ZNF208: variants seen among roughly 807,000 people sequenced by gnomAD.
The protein encoded by ZNF208 is zinc finger protein 95.
A neutral mutation model predicts 12.1 loss-of-function variants in ZNF208; 10 were observed. The observed-to-expected ratio is 0.83, with a 90% confidence interval of 0.51 to 1.40. The LOEUF is 1.40. Among genes scored for constraint, ZNF208 ranks in the 40% most tolerant of loss-of-function variants. The pLI, the probability that ZNF208 is intolerant of heterozygous loss-of-function variation, is 0.00. For synonymous variants in ZNF208, 497 were observed against 488.4 expected (o/e 1.02, Z -0.23); for missense variants, 1,652 against 1,485.0 (o/e 1.11, Z -1.85).
rs1220191119 is a variant in ZNF208 at position 21,970,431 on chromosome 19, G to T, written c.*760C>A. Among the ~76,000 whole-genome samples, 1 of 152,082 alleles carries T rather than the reference G, an allele frequency of 6.6e-6. No homozygotes were observed. Among genetic ancestry groups the T allele is most frequent in the Non-Finnish European group, 1.5e-5 (1 of 67,984 alleles). ...GCTAAAAGGCTTGCCACATTCTTCA[G>T]ATTTGTAGGGTTTCCCTCCTGTACA... On this transcript the variant is annotated 3_prime_UTR_variant, in exon 4 of 4. Transcript: ENST00000397126.
Position 21,972,787 on chromosome 19 carries a change from G to T in ZNF208, c.2247C>A (p.Tyr749Ter), listed in dbSNP as rs759130176. 6.2e-7 allele frequency: 1 copy of T among 1,611,902 alleles called. No individual in the cohort carries two copies. The highest frequency in any genetic ancestry group is 1.3e-5 in the African/African-American group (1 of 74,978). The change falls in exon 4 of 4, where the codon TAC becomes TAA. Residue 749 changes from tyrosine to a stop codon, truncating the protein, a stop_gained. Coordinates refer to ENST00000397126, the MANE Select transcript of ZNF208 (RefSeq NM_007153.3). LOFTEE classifies it low-confidence loss of function (END_TRUNC). ...AGGCTTTGCCACATTCTTCACATTT[G>T]TAGGGTTTCTCTCCAGTATGAATTA... ...HKVIHTGEKP[Y>*]KCEECGKAYK... is the part of the protein sequence containing the mutation.
rs1970325197 is a variant in ZNF208, at chr19:21,972,733, A to G, written c.2301T>C (p.His767=). The G allele has an allele frequency of 6.3e-7, 1 of 1,588,700 alleles. No homozygotes were observed. The highest frequency in any genetic ancestry group is 2.3e-5 in the East Asian group (1 of 43,190). ...GTTTCTCTACAGTATGAATTTTCTT[A>G]TGATAACTAAGGGTTGAGGACCACT... The part of the protein sequence containing the change: ...AYKWSSTLSY[H]KKIHTVEKPY... The change falls in exon 4 of 4, where the codon CAT becomes CAC. Residue 767 remains histidine (H), a synonymous_variant. Transcript: ENST00000397126.
rs1344044009 is a variant in ZNF208 at position 21,967,796 on chromosome 19, T to C, written c.*3395A>G. On this transcript the variant is annotated 3_prime_UTR_variant, in exon 4 of 4. Coordinates refer to ENST00000397126, the MANE Select transcript of ZNF208 (RefSeq NM_007153.3). The stretch of plus-strand genomic sequence containing the variant: ...CTAATTCAATAAAAATCGTCATGGA[T>C]AGTCTGATAAAAATAGCACTTAATC... 6.6e-6 allele frequency: 1 copy of C among 152,166 alleles called. No homozygotes were observed. The highest frequency in any genetic ancestry group is 1.5e-5 in the Non-Finnish European group (1 of 68,030). The allele number at this position is 152,166 out of a possible 1,614,324, so 9.4% of individuals were successfully genotyped here.
chr19:21,987,383 T>C (rs781016843), intron 2 of ZNF208, 72 bp from the exon 3 acceptor site: 66 of 1,408,914 alleles, frequency 4.7e-5, no homozygotes, highest in Non-Finnish European at 6.1e-5. Flanking sequence ...ATGTGCTCAG[T>C]AAAGAGGATG....
intron 1 of ZNF208, among the ~76,000 whole-genome samples, chr19:21,996,693 G>A (rs185856172): frequency 1.2e-3 from 183 of 152,324 alleles, no homozygotes; most frequent in African/African-American, 3.9e-3. Flanking sequence ...GAGGGAGGGA[G>A]AAGTGGATTC....
chr19:22,010,204 A>G (rs1290842650), intron 1 of ZNF208, among the ~76,000 whole-genome samples: 1 of 152,106 alleles, frequency 6.6e-6, no homozygotes, highest in Non-Finnish European at 1.5e-5. Flanking sequence ...ATAAATAAAT[A>G]AAACAAAACA....
At chr19:22,005,562 C>A (rs534874119) in intron 1 of ZNF208, among the ~76,000 whole-genome samples, 1 of 152,300 alleles carries the variant, frequency 6.6e-6, no homozygotes, top group African/African-American at 2.4e-5. Flanking sequence ...AGAGTCAGCA[C>A]AGACCCTGAT....
chr19:21,964,862 G>T (rs893239581), downstream of ZNF208, among the ~76,000 whole-genome samples: 15 of 151,456 alleles, frequency 9.9e-5, no homozygotes, highest in South Asian at 2.1e-4. Flanking sequence ...CTTACAATGG[G>T]GTTTTAAATG....
intron 3 of ZNF208, among the ~76,000 whole-genome samples, chr19:21,978,605 A>G (rs1298103915): frequency 2.6e-5 from 4 of 152,320 alleles, no homozygotes; most frequent in African/African-American, 9.6e-5. Flanking sequence ...ATAAATCCAT[A>G]AAGATGGGGA....
At chr19:21,984,397 C>A (rs531108221) in intron 3 of ZNF208, among the ~76,000 whole-genome samples, 3 of 151,984 alleles carry the variant, frequency 2.0e-5, no homozygotes, top group African/African-American at 7.2e-5. Context: ...TACTAAAATA[C>A]AAAAAACTAG....
At chr19:21,961,793 A>G (rs1177478713), downstream of ZNF208, among the ~76,000 whole-genome samples, 2 of 152,092 alleles carry the variant, frequency 1.3e-5, no homozygotes, top group Non-Finnish European at 2.9e-5. Flanking sequence ...GAAGAAAAAT[A>G]TGGCTCTATT....
rs918690167 is a variant in ZNF208 at position 21,968,450 on chromosome 19, ATTTT to A, written c.*2737_*2740del. ...GAATGCTTTTTCTGCCCCTACTGTT[ATTTT>A]TTTTTCTTTTAATTATCTTTACATG... On this transcript the variant is annotated 3_prime_UTR_variant, in exon 4 of 4. Coordinates refer to ENST00000397126, the MANE Select transcript of ZNF208 (RefSeq NM_007153.3). 6.7e-6 allele frequency: 1 copy of A among 148,406 alleles called. No homozygotes were observed. Among genetic ancestry groups the A allele is most frequent in the African/African-American group, 2.5e-5 (1 of 39,228 alleles). The allele number at this position is 148,406 out of a possible 1,614,324, so 9.2% of individuals were successfully genotyped here. A position where few individuals can be genotyped will look rare whatever the true frequency, so the allele number is the denominator to read the frequency against.
chr19:21,961,318 C>A (rs1286277182), downstream of ZNF208, among the ~76,000 whole-genome samples: 2 of 152,042 alleles, frequency 1.3e-5, no homozygotes, highest in Non-Finnish European at 2.9e-5. Flanking sequence ...GGTGTACGAA[C>A]AGGGAGTACA....
At chr19:21,979,531 G>C (rs571533254) in intron 3 of ZNF208, among the ~76,000 whole-genome samples, 2 of 152,312 alleles carry the variant, frequency 1.3e-5, no homozygotes, top group African/African-American at 4.8e-5. Context: ...CAAATGCTGA[G>C]AGATTTTGTC....
At chr19:21,984,951 T>C (rs1970609494) in intron 3 of ZNF208, among the ~76,000 whole-genome samples, 1 of 151,564 alleles carries the variant, frequency 6.6e-6, no homozygotes, top group African/African-American at 2.4e-5. Flanking sequence ...ATATGAGGAG[T>C]CATTTACATA....
chr19:22,010,754 G>A (rs913994288), intron 1 of ZNF208, 38 bp downstream of exon 1: 7 of 1,614,004 alleles, frequency 4.3e-6, no homozygotes, highest in Admixed American at 1.7e-5. Context: ...CAAGCAGCCC[G>A]GGCCACTCTC....
In ZNF208 at chr19:21,969,961, T is replaced by A. The variant is rs986925088; in HGVS notation, c.*1230A>T. Among the ~76,000 whole-genome samples, 1 of 152,286 alleles carries A rather than the reference T, an allele frequency of 6.6e-6. No homozygotes were observed. The highest frequency in any genetic ancestry group is 2.1e-4 in the South Asian group (1 of 4,826). ...CTGTTGCCCAGGCTAGTGTAAATGCTTTCCTTTGCAATAAGGCATGAGCAC... is the reference window on the plus strand; with the variant it reads ...CTGTTGCCCAGGCTAGTGTAAATGCATTCCTTTGCAATAAGGCATGAGCAC... On this transcript the variant is annotated 3_prime_UTR_variant, in exon 4 of 4. Coordinates refer to ENST00000397126, the MANE Select transcript of ZNF208 (RefSeq NM_007153.3).
chr19:21,974,868 T>C (rs1283680497), intron 3 of ZNF208, 61 bp from the exon 4 acceptor site: 2 of 1,444,174 alleles, frequency 1.4e-6, no homozygotes, highest in Non-Finnish European at 1.8e-6. Context: ...ATACAGTTTC[T>C]AAATCTAAAC....
At chr19:22,003,289 T>C (rs1970986457) in intron 1 of ZNF208, among the ~76,000 whole-genome samples, 1 of 152,150 alleles carries the variant, frequency 6.6e-6, no homozygotes, top group Non-Finnish European at 1.5e-5. Flanking sequence ...AAAGATTTCA[T>C]GATGAAGATA....
Sources: gnomAD v4.1 joint callset for allele counts (sites outside exome capture counted in the v4.1 genomes callset) on GRCh38, gnomAD v4.1.1 for gene constraint, MANE v1.5 for transcripts, NCBI Gene and HGNC (gene_info 2026-07-23, HGNC 2026-07-21) for gene names.